Variants in COL4A6 observed in about 807,000 individuals in gnomAD.
COL4A6 encodes collagen type IV alpha 6 chain.
In COL4A6, 59 loss-of-function variants were observed where a neutral mutation model predicts 126.7. The ratio of observed to expected loss-of-function variants is 0.47; its 90% CI spans 0.38 to 0.58. The LOEUF (loss-of-function observed/expected upper bound fraction) is 0.58. Among genes scored for constraint, COL4A6 ranks in the 20% least tolerant of loss-of-function variants. COL4A6 has a pLI of 0.00. For synonymous variants in COL4A6, 547 were observed against 496.6 expected, an observed-to-expected ratio of 1.10 and a Z score of -1.35; for missense variants, 1,285 against 1,337.3, an observed-to-expected ratio of 0.96 and a Z score of 0.61.
rs191406331 is a variant in COL4A6 at position 108,366,225 on chromosome X, T to C, written c.64-55397A>G. Reference sequence around the variant, plus strand: ...CTGAGTTGGGCCAGGTGTTTTGTTTTCATCCCCATTTTACACGATGAGGAA... The same window carrying C: ...CTGAGTTGGGCCAGGTGTTTTGTTTCCATCCCCATTTTACACGATGAGGAA... On this transcript the variant is annotated intron_variant, in intron 2 of 44. Coordinates refer to ENST00000334504, the MANE Select transcript of COL4A6 (RefSeq NM_033641.4). 3.6e-5 allele frequency among the ~76,000 whole-genome samples: 4 copies of C among 111,875 alleles called. No homozygotes were observed. In the East Asian group the frequency reaches 1.1e-3, roughly 31 times the overall value.
At chrX:108,398,121 T>A (rs1206555462) in intron 2 of COL4A6, among the ~76,000 whole-genome samples, 1 of 112,100 alleles carries the variant, frequency 8.9e-6, no homozygotes, top group Non-Finnish European at 1.9e-5. Flanking sequence ...ATTTGGTAGG[T>A]CAAAAAGTAC....
chrX:108,244,742 G>A (rs997612680), intron 3 of COL4A6, among the ~76,000 whole-genome samples: 4 of 111,635 alleles, frequency 3.6e-5, no homozygotes, highest in Non-Finnish European at 1.9e-5. Flanking sequence ...TTCTTTCCCA[G>A]ATGCAGATAA....
intron 3 of COL4A6, among the ~76,000 whole-genome samples, chrX:108,278,257 G>A (rs1432897443): frequency 9.0e-6 from 1 of 111,660 alleles, no homozygotes. Flanking sequence ...AAATTTAGAC[G>A]AAAGTATAAC....
At chrX:108,226,951 T>TA (rs1474715922) in intron 3 of COL4A6, among the ~76,000 whole-genome samples, 2 of 111,757 alleles carry the variant, frequency 1.8e-5, no homozygotes, top group Non-Finnish European at 3.8e-5. Context: ...AATCTTGCGT[T>TA]ACTCTCTCCT....
chrX:108,183,893 A>G, intron 23 of COL4A6: 1 of 330,064 alleles, frequency 3.0e-6, no homozygotes. Context: ...AACTTAGTGG[A>G]GAGCACTTGC....
At chrX:108,439,325 A>C (rs772986906), upstream of COL4A6, 1 of 713,873 alleles carries the variant, frequency 1.4e-6, no homozygotes. Context: ...TAACACACAT[A>C]AAGTATTCAC....
intron 3 of COL4A6, chrX:108,268,914 G>A (rs1054786363): frequency 4.4e-6 from 1 of 229,678 alleles, no homozygotes; most frequent in African/African-American, 2.9e-5. Context: ...TAAGGGCAAT[G>A]ATCATTCTTT....
chrX:108,381,068 G>A (rs111240890), intron 2 of COL4A6, among the ~76,000 whole-genome samples: 4 of 111,629 alleles, frequency 3.6e-5, no homozygotes, highest in African/African-American at 1.3e-4. Flanking sequence ...TTCCCAGTTC[G>A]TCACTGTCCC....
At chrX:108,314,387 G>A (rs946402865) in intron 2 of COL4A6, among the ~76,000 whole-genome samples, 1 of 111,598 alleles carries the variant, frequency 9.0e-6, no homozygotes, top group African/African-American at 3.3e-5. Flanking sequence ...CTACTGTTCC[G>A]TACCTCTCAA....
chrX:108,223,797 T>A (rs1270425011), intron 3 of COL4A6, among the ~76,000 whole-genome samples: 2 of 111,248 alleles, frequency 1.8e-5, no homozygotes, highest in African/African-American at 6.5e-5. Flanking sequence ...GGGAGGCAGA[T>A]AAGAAGCAGC....
intron 5 of COL4A6, 76 bp downstream of exon 5, chrX:108,219,622 G>T: frequency 2.2e-6 from 2 of 902,582 alleles, no homozygotes; most frequent in Non-Finnish European, 3.2e-6. Context: ...ACAGGATGTT[G>T]CTGAGGTCAA....
chrX:108,395,708 G>T (rs73529128), intron 2 of COL4A6, among the ~76,000 whole-genome samples: 2 of 111,458 alleles, frequency 1.8e-5, no homozygotes, highest in South Asian at 7.5e-4. Flanking sequence ...TACTATGATT[G>T]TCCCTGTGGA....
intron 3 of COL4A6, among the ~76,000 whole-genome samples, chrX:108,294,637 G>T (rs1603031600): frequency 9.0e-6 from 1 of 111,442 alleles, no homozygotes; most frequent in African/African-American, 3.3e-5. Context: ...GAGACGCTTC[G>T]GTTTGGGGTC....
At chrX:108,270,958 G>A (rs1444668933) in intron 3 of COL4A6, among the ~76,000 whole-genome samples, 1 of 111,843 alleles carries the variant, frequency 8.9e-6, no homozygotes, top group Non-Finnish European at 1.9e-5. Context: ...TTGAGAAAAG[G>A]CAACGCGGCT....
intron 2 of COL4A6, among the ~76,000 whole-genome samples, chrX:108,414,185 A>C (rs2041387048): frequency 8.9e-6 from 1 of 112,284 alleles, no homozygotes; most frequent in Non-Finnish European, 1.9e-5. Flanking sequence ...GGCAGAAAGA[A>C]ACATAATAGG....
chrX:108,157,567 G>A (rs955923322), intron 44 of COL4A6, among the ~76,000 whole-genome samples: 4 of 111,615 alleles, frequency 3.6e-5, no homozygotes, highest in Non-Finnish European at 7.5e-5. Context: ...CTGTCCCACT[G>A]GGTTCAGAGG....
At chrX:108,216,367 G>C (rs1053721033) in intron 5 of COL4A6, among the ~76,000 whole-genome samples, 5 of 111,897 alleles carry the variant, frequency 4.5e-5, no homozygotes, top group Admixed American at 2.8e-4. Context: ...TCCCCAGCTT[G>C]AGCCTCAGTT....
chrX:108,430,894 G>A (rs763075969), intron 2 of COL4A6, among the ~76,000 whole-genome samples: 2 of 111,809 alleles, frequency 1.8e-5, no homozygotes, highest in South Asian at 7.5e-4. Flanking sequence ...TCCAGGCACT[G>A]TTTTAAGTGT....
chrX:108,175,726 C>A lies in COL4A6; in HGVS notation c.2758G>T (p.Gly920Ter). The A allele has an allele frequency of 8.3e-7, 1 of 1,198,816 alleles. No individual in the cohort carries two copies. Among genetic ancestry groups the A allele is most frequent in the Non-Finnish European group, 1.1e-6 (1 of 884,876 alleles). ...GTTGATCCTGGAATTCCTTTTAATC[C>A]TCTTGTTCCAGGAATACCAGGCAGA... ...PGLPGIPGTR[G>*]LKGIPGSTGK... The change falls in exon 29 of 45, where the codon GGA (glycine) becomes TGA (stop). Residue 920 changes from glycine (G) to a stop codon, truncating the protein, a stop_gained. Transcript: ENST00000334504. LOFTEE classifies it high-confidence loss of function.
Sources: allele counts gnomAD v4.1 joint callset (sites outside exome capture counted in the v4.1 genomes callset), GRCh38; gene constraint gnomAD v4.1.1; transcripts MANE v1.5; gene names NCBI Gene and HGNC (gene_info 2026-07-23, HGNC 2026-07-21).